Variants in VPS13C observed in about 807,000 individuals in gnomAD.
VPS13C encodes intermembrane lipid transfer protein VPS13C.
A neutral mutation model predicts 456.8 loss-of-function variants in VPS13C; 358 were observed. The ratio of observed to expected loss-of-function variants is 0.78; its 90% CI spans 0.72 to 0.86. The LOEUF is 0.86. Among genes scored for constraint, VPS13C ranks in the 40% least tolerant of loss-of-function variants. The probability of loss-of-function intolerance (pLI) is 0.00; values close to 1 mark genes in which losing one functional copy is unlikely to be tolerated. For missense variants in VPS13C, 4,818 were observed against 4,385.4 expected (o/e 1.10, Z -2.79); for synonymous variants, 1,578 against 1,486.7 (o/e 1.06, Z -1.41).
In VPS13C at chr15:61,922,008, G is replaced by T; in HGVS notation, c.7001C>A (p.Ala2334Asp). The change falls in exon 55 of 85, where the codon GCT becomes GAT. Residue 2334 changes from alanine (A) to aspartate (D), a missense_variant. Physicochemically the swap from Ala to Asp is moderately radical, Grantham distance 126. Around this residue, in one of 3 missense-constraint regions of VPS13C, gnomAD observed 4,552 missense variants for 4,130.6 expected, o/e 1.10. Transcript: ENST00000644861. ...LQVHYYNEIHAVWEPLIERVE... is the reference protein window; with the variant it reads ...LQVHYYNEIHDVWEPLIERVE... ...TCTCTCAATCAGTGGCTCCCAGACA[G>T]CATGGATCTCATTGTAATAGTGCAC... 6.2e-7 allele frequency: 1 copy of T among 1,613,512 alleles called. No homozygotes were observed. Among genetic ancestry groups the T allele is most frequent in the Non-Finnish European group, 8.5e-7 (1 of 1,179,610 alleles).
intron 62 of VPS13C, among the ~76,000 whole-genome samples, chr15:61,912,265 G>A (rs933958300): frequency 2.6e-5 from 4 of 152,066 alleles, no homozygotes; most frequent in African/African-American, 2.4e-5. Context: ...AATACGTCTA[G>A]CATTCTTTAC....
chr15:62,013,269 A>G (rs2047111617), intron 10 of VPS13C, 150 bp from the exon 11 acceptor site: 3 of 521,208 alleles, frequency 5.8e-6, no homozygotes, highest in Non-Finnish European at 9.8e-6. Flanking sequence ...AAATGAGGGG[A>G]AAATATATTC....
At chr15:61,884,722 C>T (rs149810043) in intron 67 of VPS13C, among the ~76,000 whole-genome samples, 4 of 151,740 alleles carry the variant, frequency 2.6e-5, no homozygotes, top group Non-Finnish European at 5.9e-5. Flanking sequence ...TAACATGTCA[C>T]TTAGTGTTAT....
Position 61,946,290 on chromosome 15 carries a change from ATC to A in VPS13C, c.4980+15_4980+16del. 6.5e-7 allele frequency: 1 copy of A among 1,550,132 alleles called. No individual in the cohort carries two copies. On this transcript the variant is annotated intron_variant, in intron 44 of 84. Coordinates refer to ENST00000644861, the MANE Select transcript of VPS13C (RefSeq NM_020821.3). ...AGGCAAAATAAATTCCAATATAAAAATCTATTTTTTAATCACCTTTTTGTGAA... is the reference window on the plus strand; with the variant it reads ...AGGCAAAATAAATTCCAATATAAAAATATTTTTTAATCACCTTTTTGTGAA...
At chr15:61,931,823 G>A (rs1351714875) in intron 49 of VPS13C, among the ~76,000 whole-genome samples, 2 of 151,422 alleles carry the variant, frequency 1.3e-5, no homozygotes, top group Non-Finnish European at 2.9e-5. Context: ...CTCATGATCC[G>A]CCCACCTCGG....
chr15:61,919,924 C>G (rs1159549858), intron 57 of VPS13C, 143 bp downstream of exon 57: 1 of 795,406 alleles, frequency 1.3e-6, no homozygotes, highest in Non-Finnish European at 1.8e-6. Context: ...GTTTAGAAAA[C>G]AAGAAACAAG....
intron 18 of VPS13C, among the ~76,000 whole-genome samples, chr15:61,988,291 T>C (rs532912402): frequency 6.6e-6 from 1 of 152,344 alleles, no homozygotes; most frequent in East Asian, 1.9e-4. Flanking sequence ...CATAGGTGTA[T>C]TCAATTGTCC....
At chr15:61,890,101 A>C in intron 67 of VPS13C, 64 bp downstream of exon 67, 1 of 1,475,916 alleles carries the variant, frequency 6.8e-7, no homozygotes. Context: ...CTTTCTTCAA[A>C]TCGGCTATTA....
chr15:61,922,069 T>C, intron 54 of VPS13C, 36 bp from the exon 55 acceptor site: 1 of 1,590,414 alleles, frequency 6.3e-7, no homozygotes, highest in South Asian at 1.1e-5. Context: ...AGACAGTCCT[T>C]TGGCTTTAAT....
Position 61,894,175 on chromosome 15 carries a change from G to A in VPS13C, c.9106-3775C>T, listed in dbSNP as rs183041002. ...ACAAAAAAATTAGCTAGGCGTGGTG[G>A]CGTATGCCTGTAATCCCAGCTACTA... On this transcript the variant is annotated intron_variant, in intron 66 of 84. Transcript: ENST00000644861. Among the ~76,000 whole-genome samples, 30 of 152,200 alleles carry A rather than the reference G, an allele frequency of 2.0e-4. 1 individual carries two copies. Among genetic ancestry groups the A allele is most frequent in the Admixed American group, 1.8e-3 (28 of 15,286 alleles).
intron 1 of VPS13C, among the ~76,000 whole-genome samples, chr15:62,051,987 G>C (rs923851937): frequency 2.6e-5 from 4 of 152,150 alleles, no homozygotes; most frequent in African/African-American, 9.7e-5. Context: ...AAAGTCTAAA[G>C]AGATCTGGTA....
In VPS13C at chr15:61,867,465, G is replaced by A. The variant is rs148167586; in HGVS notation, c.10863+1194C>T. On this transcript the variant is annotated intron_variant, in intron 81 of 84. Transcript: ENST00000644861. The surrounding 1 kb of genome is among the most constrained non-coding windows in gnomAD (Gnocchi z 5.0). ...AGCAGATGCTCCAGGTAATAGTCCC[G>A]TAACTTAAGCAAATTTAGAGCCATT... 2.5e-3 allele frequency: 2,422 copies of A among 988,034 alleles called. 53 individuals carry two copies. The African/African-American group carries it at 0.039, about 16-fold the overall frequency. The allele number at this position is 988,034 out of a possible 1,614,324, so 61.2% of individuals were successfully genotyped here. A position where few individuals can be genotyped will look rare whatever the true frequency, so the allele number is the denominator to read the frequency against.
chr15:61,951,005 A>C lies in VPS13C; in HGVS notation c.4476T>G (p.Leu1492=), dbSNP rs758361252. 5.6e-6 allele frequency: 9 copies of C among 1,601,104 alleles called. No homozygotes were observed. In the South Asian group the frequency reaches 1.0e-4, roughly 18 times the overall value. The part of the protein sequence containing the change: ...FDFTDSKGEP[L]HIINSSNVTD... ...TCACATTAGAAGAGTTAATAATGTGAAGAGGTTCCCCTTTAGAGTCTAAAA... is the reference window on the plus strand; with the variant it reads ...TCACATTAGAAGAGTTAATAATGTGCAGAGGTTCCCCTTTAGAGTCTAAAA... Residue 1492 remains leucine (L), a synonymous_variant, in exon 40 of 85, where the codon CTT becomes CTG. Coordinates refer to ENST00000644861, the MANE Select transcript of VPS13C (RefSeq NM_020821.3).
intron 48 of VPS13C, 50 bp downstream of exon 48, chr15:61,936,547 G>T: frequency 6.8e-7 from 1 of 1,464,724 alleles, no homozygotes; most frequent in South Asian, 1.6e-5. Context: ...ATATAAATAT[G>T]ACATTAACAC....
intron 15 of VPS13C, among the ~76,000 whole-genome samples, chr15:62,004,916 T>C (rs1452635362): frequency 6.6e-6 from 1 of 152,186 alleles, no homozygotes; most frequent in Non-Finnish European, 1.5e-5. Flanking sequence ...TCTTTTACAT[T>C]TGCTGAGGAG....
intron 61 of VPS13C, among the ~76,000 whole-genome samples, chr15:61,914,949 A>T (rs1011612185): frequency 1.3e-5 from 2 of 151,020 alleles, no homozygotes; most frequent in Non-Finnish European, 2.9e-5. Flanking sequence ...AAATTTGAGA[A>T]CCACTACTCC....
chr15:61,947,048 T>A, intron 43 of VPS13C, 145 bp downstream of exon 43: 1 of 547,302 alleles, frequency 1.8e-6, no homozygotes, highest in Admixed American at 3.3e-5. Flanking sequence ...CTTGTAACAT[T>A]TTAAAGCACA....
intron 81 of VPS13C, chr15:61,863,812 A>G (rs931270455): frequency 4.0e-6 from 1 of 249,826 alleles, no homozygotes; most frequent in African/African-American, 2.3e-5. Flanking sequence ...TAAAATATCT[A>G]CCAGCAATTA....
intron 3 of VPS13C, among the ~76,000 whole-genome samples, chr15:62,037,708 T>TA (rs71125963): frequency 0.57 from 86,259 of 150,692 alleles, 24,859 homozygotes; most frequent in Admixed American, 0.63. Flanking sequence ...ATTTCAAAAG[T>TA]AAAGAATAAA....
Sources: allele counts gnomAD v4.1 joint callset (sites outside exome capture counted in the v4.1 genomes callset), GRCh38; gene constraint gnomAD v4.1.1; regional missense constraint gnomAD v4.1.1; non-coding constraint Gnocchi (gnomAD v3.1); transcripts MANE v1.5; gene names NCBI Gene and HGNC (gene_info 2026-07-23, HGNC 2026-07-21).